Variants in RGS7 observed in about 807,000 individuals in gnomAD.
RGS7 encodes the protein regulator of G-protein signaling 7.
In RGS7, 27 loss-of-function variants were observed where a neutral mutation model predicts 81.1. That is an observed-to-expected ratio of 0.33 (90% CI 0.25 to 0.46). RGS7 has a LOEUF of 0.46. Among genes scored for constraint, RGS7 ranks in the 20% least tolerant of loss-of-function variants. The probability of loss-of-function intolerance (pLI) is 1.00; values close to 1 mark genes in which losing one functional copy is unlikely to be tolerated. For synonymous variants in RGS7, 208 were observed against 207.7 expected (o/e 1.00, Z -0.01); for missense variants, 396 against 607.4 (o/e 0.65, Z 3.66).
chr1:241,184,826 C>T (rs973485125), intron 2 of RGS7, among the ~76,000 whole-genome samples: 41 of 152,058 alleles, frequency 2.7e-4, no homozygotes, highest in Non-Finnish European at 5.3e-4. Context: ...GATAGGCAAC[C>T]TGTACAATAG....
intron 5 of RGS7, among the ~76,000 whole-genome samples, chr1:240,934,441 G>A (rs1047031145): frequency 6.6e-6 from 1 of 152,162 alleles, no homozygotes; most frequent in Non-Finnish European, 1.5e-5. Context: ...TGAAGACCTT[G>A]AATAATAATT....
chr1:241,137,184 A>G (rs1313670256), intron 2 of RGS7, among the ~76,000 whole-genome samples: 1 of 152,048 alleles, frequency 6.6e-6, no homozygotes, highest in East Asian at 1.9e-4. Flanking sequence ...ATGTTGTACT[A>G]TCAAAGACCG....
rs565288681 is a variant in RGS7, at chr1:241,127,484, T to C, written c.79-28722A>G. ...GCATGTTCTCACTCATAGGTGGGAATCGAACAATGAGAACACATGGACACA... is the reference window on the plus strand; with the variant it reads ...GCATGTTCTCACTCATAGGTGGGAACCGAACAATGAGAACACATGGACACA... On this transcript the variant is annotated intron_variant, in intron 2 of 18. Transcript: ENST00000440928. Among the ~76,000 whole-genome samples the C allele has an allele frequency of 7.4e-4, 113 of 152,090 alleles. 1 individual carries two copies. Among genetic ancestry groups the C allele is most frequent in the African/African-American group, 2.7e-3 (110 of 41,476 alleles).
At chr1:241,251,468 C>CAG (rs1366133900) in intron 2 of RGS7, among the ~76,000 whole-genome samples, 7 of 152,018 alleles carry the variant, frequency 4.6e-5, no homozygotes, top group African/African-American at 1.7e-4. Context: ...AAGGTCCTAC[C>CAG]AGTTAAGTGC....
intron 3 of RGS7, 91 bp from the exon 4 acceptor site, chr1:240,983,220 T>A: frequency 1.5e-6 from 1 of 680,358 alleles, no homozygotes; most frequent in South Asian, 2.0e-5. Flanking sequence ...GGTGCTCATA[T>A]TAGAAGGAAC....
intron 4 of RGS7, among the ~76,000 whole-genome samples, chr1:240,955,551 CAAAAAAAAAAAAAAAAAA>C (rs369155474): frequency 0.84 from 119,346 of 141,270 alleles, 50,765 homozygotes; most frequent in Admixed American, 0.92. Context: ...GACTCTGTCT[CAAAAAAAAAAAAAAAAAA>C]AAAAAAAAAA....
intron 6 of RGS7, among the ~76,000 whole-genome samples, chr1:240,871,641 T>G (rs1328816538): frequency 2.0e-5 from 3 of 152,224 alleles, no homozygotes; most frequent in Non-Finnish European, 4.4e-5. Context: ...CATTTCCTAA[T>G]TCATCATAAC....
intron 9 of RGS7, among the ~76,000 whole-genome samples, chr1:240,842,198 A>ATTTTTTTTTTTTTTTTTTTT: frequency 5.4e-5 from 2 of 36,710 alleles, no homozygotes; most frequent in African/African-American, 3.1e-4. Flanking sequence ...GTTTGTCAGG[A>ATTTTTTTTTTTTTTTTTTTT]ATTTTTTTTT....
chr1:241,339,537 T>C (rs2082421630), intron 2 of RGS7, among the ~76,000 whole-genome samples: 2 of 152,318 alleles, frequency 1.3e-5, no homozygotes, highest in South Asian at 4.1e-4. Flanking sequence ...AAAACACAGA[T>C]TGTAATATCT....
rs142710990 is a variant in RGS7 at position 240,811,992 on chromosome 1, C to G, written c.1008G>C (p.Glu336Asp). The change falls in exon 14 of 19, where the codon GAG becomes GAC. Residue 336 changes from glutamate (E) to aspartate (D), a missense_variant. Physicochemically the swap from Glu to Asp is conservative, Grantham distance 45. Coordinates refer to ENST00000440928, the MANE Select transcript of RGS7 (RefSeq NM_001364886.1). Reference sequence around the variant, plus strand: ...CTCTCCCAACTGGGTCTTTCAATGCCTCGTCCATGCCAAAACCCCATCGTT... The same window carrying G: ...CTCTCCCAACTGGGTCTTTCAATGCGTCGTCCATGCCAAAACCCCATCGTT... ...RVKRWGFGMD[E>D]ALKDPVGREQ... 6.2e-7 allele frequency: 1 copy of G among 1,614,076 alleles called. No homozygotes were observed. Among genetic ancestry groups the G allele is most frequent in the African/African-American group, 1.3e-5 (1 of 75,024 alleles).
At chr1:240,842,199 A>ATTTTTTTTTTCTTTTTTTT (rs1658157552) in intron 9 of RGS7, among the ~76,000 whole-genome samples, 1 of 78,676 alleles carries the variant, frequency 1.3e-5, no homozygotes, top group Non-Finnish European at 2.5e-5. Context: ...TTTGTCAGGA[A>ATTTTTTTTTTCTTTTTTTT]TTTTTTTTTT....
At chr1:241,027,067 G>A (rs1326379549) in intron 3 of RGS7, among the ~76,000 whole-genome samples, 2 of 151,898 alleles carry the variant, frequency 1.3e-5, no homozygotes, top group East Asian at 3.9e-4. Flanking sequence ...GCCAGGCGGG[G>A]TGGTACGTGC....
intron 10 of RGS7, among the ~76,000 whole-genome samples, chr1:240,825,908 G>A (rs928642918): frequency 6.6e-6 from 1 of 152,140 alleles, no homozygotes; most frequent in African/African-American, 2.4e-5. Flanking sequence ...TCTGTGTTAG[G>A]GTCTGTTGGG....
At chr1:241,043,303 T>C (rs529262610) in intron 3 of RGS7, among the ~76,000 whole-genome samples, 50 of 152,102 alleles carry the variant, frequency 3.3e-4, no homozygotes, top group African/African-American at 1.1e-3. Context: ...TCTCAAATTG[T>C]GTAGCTGTTG....
chr1:241,098,599 G>A, intron 3 of RGS7, 67 bp downstream of exon 3: 5 of 1,024,894 alleles, frequency 4.9e-6, no homozygotes, highest in Non-Finnish European at 1.5e-6. Context: ...TGAACAGCTG[G>A]AATCAGTTTT....
chr1:241,311,386 A>C (rs2080522379), intron 2 of RGS7, among the ~76,000 whole-genome samples: 1 of 152,252 alleles, frequency 6.6e-6, no homozygotes, highest in South Asian at 2.1e-4. Context: ...TTGGCTAAGA[A>C]ATACATACAT....
rs1355865732 is a variant in RGS7, at chr1:241,162,328, G to A, written c.79-63566C>T. ...TATGAGCTTCCTCCAGGAACGCTCT[G>A]CTGGTAAGGGAAAAACGCCTCAAGT... is the stretch of plus-strand genomic sequence containing the variant. On this transcript the variant is annotated intron_variant, in intron 2 of 18. Transcript: ENST00000440928. Among the ~76,000 whole-genome samples, 3 of 151,666 alleles carry A rather than the reference G, an allele frequency of 2.0e-5. No individual in the cohort carries two copies. The East Asian group carries it at 5.8e-4, about 29-fold the overall frequency.
intron 2 of RGS7, among the ~76,000 whole-genome samples, chr1:241,236,576 A>T (rs1331825116): frequency 6.6e-6 from 1 of 152,182 alleles, no homozygotes; most frequent in Non-Finnish European, 1.5e-5. Context: ...TTATTAAATG[A>T]CTCACATGAT....
At chr1:240,995,174 G>A (rs1290124987) in intron 3 of RGS7, among the ~76,000 whole-genome samples, 1 of 152,064 alleles carries the variant, frequency 6.6e-6, no homozygotes, top group Non-Finnish European at 1.5e-5. Context: ...TAACCAGCCT[G>A]CATCTCTGAA....
Sources: allele counts gnomAD v4.1 joint callset (sites outside exome capture counted in the v4.1 genomes callset), GRCh38; gene constraint gnomAD v4.1.1; transcripts MANE v1.5; gene names NCBI Gene and HGNC (gene_info 2026-07-23, HGNC 2026-07-21).